RNF217: variants seen among roughly 807,000 people sequenced by gnomAD.
RNF217 encodes ring finger protein 217.
RNF217 carries 31 observed loss-of-function variants against 57.8 expected under a neutral mutation model. The ratio of observed to expected loss-of-function variants is 0.54; its 90% confidence interval spans 0.40 to 0.72. The LOEUF (loss-of-function observed/expected upper bound fraction) is 0.72. Among genes scored for constraint, RNF217 ranks in the 30% least tolerant of loss-of-function variants. RNF217 has a pLI of 0.00. For missense variants in RNF217, 696 were observed against 708.3 expected (o/e 0.98, Z 0.20); for synonymous variants, 313 against 294.0 (o/e 1.06, Z -0.66).
intron 2 of RNF217, among the ~76,000 whole-genome samples, chr6:125,056,268 T>G (rs559690584): frequency 3.2e-4 from 48 of 152,286 alleles, no homozygotes; most frequent in Non-Finnish European, 5.9e-4. Flanking sequence ...CTTCAGCAAG[T>G]TATTTAATCT....
At position 125,082,863 on chromosome 6, in the gene RNF217, G is replaced by A; in HGVS notation, c.1556-1G>A. The A allele has an allele frequency of 6.3e-7, 1 of 1,597,240 alleles. No individual in the cohort carries two copies. The highest frequency in any genetic ancestry group is 8.5e-7 in the Non-Finnish European group (1 of 1,171,820). On this transcript the variant is annotated splice_acceptor_variant, in intron 5 of 5. Transcript: ENST00000521654. LOFTEE classifies it high-confidence loss of function. ...TAACTTTAATTTTTTCTTATCCCTA[G>A]GTTTATTTGTATTTCCTATCTATTG... is the stretch of plus-strand genomic sequence containing the variant.
At chr6:125,067,697 T>G (rs1413884900) in intron 3 of RNF217, among the ~76,000 whole-genome samples, 1 of 152,154 alleles carries the variant, frequency 6.6e-6, no homozygotes, top group Non-Finnish European at 1.5e-5. Context: ...GAAATGGCTG[T>G]GAGGGATATA....
At chr6:125,031,174 G>C (rs1274311123) in intron 1 of RNF217, among the ~76,000 whole-genome samples, 9 of 152,324 alleles carry the variant, frequency 5.9e-5, no homozygotes, top group Admixed American at 5.9e-4. Context: ...CACACCCTGG[G>C]GACTGTGGGC....
At chr6:125,052,652 G>A (rs990527915) in intron 2 of RNF217, among the ~76,000 whole-genome samples, 6 of 151,966 alleles carry the variant, frequency 3.9e-5, no homozygotes, top group African/African-American at 1.4e-4. Context: ...TGTTATAAGG[G>A]AGCAAACAGT....
intron 1 of RNF217, among the ~76,000 whole-genome samples, chr6:125,000,287 A>C (rs939977371): frequency 9.9e-5 from 15 of 152,116 alleles, no homozygotes; most frequent in Non-Finnish European, 1.6e-4. Flanking sequence ...TATAACATGA[A>C]TTATTACTTA....
chr6:125,025,561 AG>A, intron 1 of RNF217, among the ~76,000 whole-genome samples: 1 of 137,736 alleles, frequency 7.3e-6, no homozygotes, highest in East Asian at 2.5e-4. Context: ...GAAGGAAGGA[AG>A]GAAGAAAAGA....
At chr6:125,031,669 T>C (rs1001665203) in intron 1 of RNF217, among the ~76,000 whole-genome samples, 2 of 152,286 alleles carry the variant, frequency 1.3e-5, no homozygotes, top group East Asian at 3.9e-4. Flanking sequence ...ACCTTCTTGT[T>C]CATATCACTA....
At chr6:125,000,857 A>C (rs1220199947) in intron 1 of RNF217, among the ~76,000 whole-genome samples, 1 of 152,164 alleles carries the variant, frequency 6.6e-6, no homozygotes, top group East Asian at 1.9e-4. Context: ...TTTACTCCCT[A>C]GAATTCAAGC....
rs919449990 is a variant in RNF217 at position 125,087,869 on chromosome 6, TAAAAG to T, written c.*4936_*4940del. 2.6e-5 allele frequency: 4 copies of T among 152,048 alleles called. No individual in the cohort carries two copies. Among genetic ancestry groups the T allele is most frequent in the African/African-American group, 9.7e-5 (4 of 41,420 alleles). 9.4% of individuals were successfully genotyped at this position (152,048 alleles called of 1,614,324 possible). ...GCAATTTCATAATTCATGAATTCTA[TAAAAG>T]AAATCTCCCTCACTAAAAATATGAT... On this transcript the variant is annotated 3_prime_UTR_variant, in exon 6 of 6. Coordinates refer to ENST00000521654, the MANE Select transcript of RNF217 (RefSeq NM_001286398.3).
chr6:125,065,825 T>C (rs1381765362), intron 3 of RNF217, among the ~76,000 whole-genome samples: 1 of 152,210 alleles, frequency 6.6e-6, no homozygotes, highest in African/African-American at 2.4e-5. Flanking sequence ...AGCTGTTGGC[T>C]CAGTCGGTAG....
chr6:125,056,863 C>T (rs1030517023), intron 2 of RNF217, among the ~76,000 whole-genome samples: 1 of 152,068 alleles, frequency 6.6e-6, no homozygotes, highest in Non-Finnish European at 1.5e-5. Context: ...GTGGAATATT[C>T]CACTATCATT....
At chr6:125,026,299 T>G (rs1786078113) in intron 1 of RNF217, among the ~76,000 whole-genome samples, 1 of 152,146 alleles carries the variant, frequency 6.6e-6, no homozygotes, top group Non-Finnish European at 1.5e-5. Context: ...GCTTTAGTAC[T>G]TTCTTTCTGG....
intron 1 of RNF217, among the ~76,000 whole-genome samples, chr6:124,966,058 C>T (rs1783526481): frequency 6.6e-6 from 1 of 152,156 alleles, no homozygotes; most frequent in Admixed American, 6.5e-5. Flanking sequence ...CTATTCTGAG[C>T]TTCTTGATAC....
At chr6:124,964,418 G>C (rs1227503725) in intron 1 of RNF217, among the ~76,000 whole-genome samples, 2 of 149,114 alleles carry the variant, frequency 1.3e-5, no homozygotes, top group African/African-American at 2.4e-5. Flanking sequence ...TGCTTGTCTT[G>C]TTAGACTGTC....
intron 4 of RNF217, 89 bp from the exon 5 acceptor site, chr6:125,081,347 A>G (rs1227721261): frequency 1.9e-5 from 17 of 907,322 alleles, no homozygotes; most frequent in Non-Finnish European, 2.9e-5. Context: ...AAAAAATAAT[A>G]TACACTGTGG....
chr6:124,980,726 A>G (rs1283145513), intron 1 of RNF217, among the ~76,000 whole-genome samples: 3 of 152,192 alleles, frequency 2.0e-5, no homozygotes, highest in Admixed American at 2.0e-4. Flanking sequence ...CAACTTAAAC[A>G]AAGATTTTTT....
chr6:124,993,532 T>G (rs1295032921), intron 1 of RNF217, among the ~76,000 whole-genome samples: 1 of 152,152 alleles, frequency 6.6e-6, no homozygotes, highest in Non-Finnish European at 1.5e-5. Context: ...TTTCTAGTTG[T>G]GGCACGCACT....
intron 1 of RNF217, among the ~76,000 whole-genome samples, chr6:125,019,831 A>G (rs117542700): frequency 0.28 from 38,400 of 139,198 alleles, 6,809 homozygotes; most frequent in South Asian, 0.49. Flanking sequence ...CCTTTTTTGC[A>G]GTGGGGGGGG....
At chr6:125,027,178 T>C (rs1465180418) in intron 1 of RNF217, among the ~76,000 whole-genome samples, 1 of 152,134 alleles carries the variant, frequency 6.6e-6, no homozygotes, top group Non-Finnish European at 1.5e-5. Context: ...ATTAAGTTAT[T>C]TTAAAATACA....
Sources: gnomAD v4.1 joint callset for allele counts (sites outside exome capture counted in the v4.1 genomes callset) on GRCh38, gnomAD v4.1.1 for gene constraint, MANE v1.5 for transcripts, NCBI Gene and HGNC (gene_info 2026-07-23, HGNC 2026-07-21) for gene names.